ALLC: variants seen among roughly 807,000 people sequenced by gnomAD.
ALLC encodes allantoicase, also known as probable inactive allantoicase.
A neutral mutation model predicts 45.0 loss-of-function variants in ALLC; 40 were observed. The ratio of observed to expected loss-of-function variants is 0.89; its 90% CI spans 0.69 to 1.16. The LOEUF (loss-of-function observed/expected upper bound fraction) is 1.16. Among genes scored for constraint, ALLC ranks in the 50% most tolerant of loss-of-function variants. The pLI is 0.00. For missense variants in ALLC, 488 were observed against 493.1 expected, an observed-to-expected ratio of 0.99 and a Z score of 0.10; for synonymous variants, 176 against 178.1, an observed-to-expected ratio of 0.99 and a Z score of 0.09.
chr2:3,691,732 C>A (rs1359634156), intron 7 of ALLC, among the ~76,000 whole-genome samples: 1 of 152,206 alleles, frequency 6.6e-6, no homozygotes, highest in Non-Finnish European at 1.5e-5. Flanking sequence ...TCAACTCCCT[C>A]CTCAACACCA....
At chr2:3,650,379 C>T in the ALLC span, among the ~76,000 whole-genome samples, 57 of 152,306 alleles carry the variant, frequency 3.7e-4, no homozygotes, top group African/African-American at 1.3e-3. Flanking sequence ...GCTGATGGCC[C>T]CTGAGTTGAC....
chr2:3,685,692 G>A (rs2148011233), intron 7 of ALLC, among the ~76,000 whole-genome samples: 1 of 151,084 alleles, frequency 6.6e-6, no homozygotes, highest in Middle Eastern at 3.4e-3. Context: ...GAGGTGGTAT[G>A]ACATTTCATT....
At chr2:3,666,406 G>C (rs186403781) in intron 1 of ALLC, among the ~76,000 whole-genome samples, 1 of 152,236 alleles carries the variant, frequency 6.6e-6, no homozygotes, top group East Asian at 1.9e-4. Flanking sequence ...GTGATTTTGC[G>C]TGGAGCAGAG....
upstream of ALLC, among the ~76,000 whole-genome samples, chr2:3,657,386 T>C (rs1666467863): frequency 6.6e-6 from 1 of 152,178 alleles, no homozygotes; most frequent in African/African-American, 2.4e-5. Context: ...GTGTGGGTGA[T>C]GGATCTCCCT....
intron 4 of ALLC, among the ~76,000 whole-genome samples, chr2:3,679,219 T>C (rs1247857405): frequency 6.6e-6 from 1 of 152,246 alleles, no homozygotes; most frequent in Admixed American, 6.5e-5. Context: ...TGAAGCAGTA[T>C]TAGTTTCTAA....
intron 3 of ALLC, among the ~76,000 whole-genome samples, 179 bp downstream of exon 3, chr2:3,674,304 G>T (rs1315408022): frequency 6.6e-6 from 1 of 152,204 alleles, no homozygotes; most frequent in Non-Finnish European, 1.5e-5. Context: ...AAACATAGCA[G>T]AGACAGGGAT....
chr2:3,680,951 C>T lies in ALLC; in HGVS notation c.299-683C>T, dbSNP rs1013926385. 1.3e-5 allele frequency among the ~76,000 whole-genome samples: 2 copies of T among 151,904 alleles called. No homozygotes were observed. Among genetic ancestry groups the T allele is most frequent in the Admixed American group, 6.6e-5 (1 of 15,242 alleles). On this transcript the variant is annotated intron_variant, in intron 5 of 11. Transcript: ENST00000252505. The surrounding 1 kb of genome is among the most constrained non-coding windows in gnomAD (Gnocchi z 4.0). ...CCACAGACTTTCTGTATTTTTATTC[C>T]TTTGTTACCATCTGATGTTGACTTT...
Position 3,702,493 on chromosome 2 carries a change from C to G in ALLC, c.1106C>G (p.Ser369Cys). 6.2e-7 allele frequency: 1 copy of G among 1,611,828 alleles called. No individual in the cohort carries two copies. Among genetic ancestry groups the G allele is most frequent in the Non-Finnish European group, 8.5e-7 (1 of 1,179,454 alleles). ...SRLRLRGFPS[S>C]ICLLRPREKP... ...CTTCGGCTCCGGGGCTTCCCCAGCT[C>G]CATCTGCCTCCTGAGGCCCCGGGAG... Residue 369 changes from serine (S) to cysteine (C), a missense_variant, in exon 12 of 12, where the codon TCC becomes TGC. Transcript: ENST00000252505.
intron 1 of ALLC, among the ~76,000 whole-genome samples, chr2:3,663,391 G>A (rs960676301): frequency 1.3e-5 from 2 of 152,154 alleles, no homozygotes; most frequent in African/African-American, 4.8e-5. Flanking sequence ...TAGACATGTT[G>A]GGGGGAACAT....
chr2:3,663,832 C>A (rs1371879996), intron 1 of ALLC, among the ~76,000 whole-genome samples: 1 of 152,230 alleles, frequency 6.6e-6, no homozygotes, highest in African/African-American at 2.4e-5. Flanking sequence ...AAACCACACA[C>A]CTGTGCTGTC....
At chr2:3,651,304 GT>G in the ALLC span, among the ~76,000 whole-genome samples, 654 of 6,084 alleles carry the variant, frequency 0.11, 110 homozygotes, top group African/African-American at 0.28. Flanking sequence ...TTTTGGGTGG[GT>G]GGGTGGGTGG....
At chr2:3,701,143 A>G (rs1187264439) in intron 10 of ALLC, among the ~76,000 whole-genome samples, 6 of 152,226 alleles carry the variant, frequency 3.9e-5, no homozygotes, top group Admixed American at 2.0e-4. Flanking sequence ...TTCCAGCTTC[A>G]TAATAATTTC....
intron 11 of ALLC, among the ~76,000 whole-genome samples, chr2:3,702,052 G>A (rs114964825): frequency 6.0e-4 from 91 of 152,192 alleles, no homozygotes; most frequent in African/African-American, 2.1e-3. Flanking sequence ...AATAATCTCC[G>A]GGAGAGACCA....
At chr2:3,673,443 G>A (rs1016397513) in intron 2 of ALLC, among the ~76,000 whole-genome samples, 2 of 152,214 alleles carry the variant, frequency 1.3e-5, no homozygotes, top group Admixed American at 6.5e-5. Flanking sequence ...GAAACAGCTC[G>A]TCCTTCCTGC....
At chr2:3,670,535 C>T (rs868600650) in intron 1 of ALLC, among the ~76,000 whole-genome samples, 6 of 152,134 alleles carry the variant, frequency 3.9e-5, no homozygotes, top group Admixed American at 2.0e-4. Flanking sequence ...CCGCCATGGC[C>T]GCATGGCCCC....
intron 7 of ALLC, among the ~76,000 whole-genome samples, chr2:3,686,360 T>C (rs1667334304): frequency 2.6e-5 from 4 of 151,118 alleles, no homozygotes; most frequent in Non-Finnish European, 5.9e-5. Flanking sequence ...TTTGCTTATA[T>C]AGCTTCATAG....
At chr2:3,674,041 T>G in intron 2 of ALLC, 34 bp from the exon 3 acceptor site, 1 of 1,427,682 alleles carries the variant, frequency 7.0e-7, no homozygotes, top group East Asian at 2.5e-5. Flanking sequence ...GATTTATGGT[T>G]GCTTTATCTT....
intron 7 of ALLC, chr2:3,695,204 A>C (rs750458946): frequency 6.5e-6 from 1 of 154,156 alleles, no homozygotes; most frequent in Non-Finnish European, 1.4e-5. Context: ...AATGCCTACT[A>C]TGTGCCCAGA....
intron 8 of ALLC, 150 bp downstream of exon 8, chr2:3,696,022 C>CT: frequency 2.0e-6 from 2 of 1,017,302 alleles, no homozygotes; most frequent in Non-Finnish European, 2.8e-6. Flanking sequence ...GATTTGATGC[C>CT]TTTATGACAT....
Sources: gnomAD v4.1 joint callset for allele counts (sites outside exome capture counted in the v4.1 genomes callset) on GRCh38, gnomAD v4.1.1 for gene constraint, Gnocchi (gnomAD v3.1) non-coding constraint, MANE v1.5 for transcripts, NCBI Gene and HGNC (gene_info 2026-07-23, HGNC 2026-07-21) for gene names.